Variants in CDH13 observed in about 807,000 individuals in gnomAD.
CDH13 encodes cadherin-13.
CDH13 carries 24 observed loss-of-function variants against 63.8 expected under a neutral mutation model. The ratio of observed to expected loss-of-function variants is 0.38; its 90% CI spans 0.27 to 0.53. The LOEUF is 0.53. CDH13 is among the 20% of genes least tolerant of loss of function. CDH13 has a pLI of 0.85. For missense variants in CDH13, 1,049 were observed against 903.1 expected (o/e 1.16, Z -2.07); for synonymous variants, 503 against 355.3 (o/e 1.42, Z -4.67).
At chr16:82,693,181 G>C (rs1285833467) in intron 1 of CDH13, among the ~76,000 whole-genome samples, 1 of 152,156 alleles carries the variant, frequency 6.6e-6, no homozygotes, top group Non-Finnish European at 1.5e-5. Flanking sequence ...CCCCAGACCT[G>C]GATGATCCTT....
chr16:83,082,389 C>A (rs1275769324), intron 3 of CDH13, among the ~76,000 whole-genome samples: 1 of 152,054 alleles, frequency 6.6e-6, no homozygotes, highest in Non-Finnish European at 1.5e-5. Flanking sequence ...TTTTGGAAGG[C>A]TGAGGCAGGT....
chr16:82,899,146 G>A (rs1008195328), intron 2 of CDH13, among the ~76,000 whole-genome samples: 1 of 152,218 alleles, frequency 6.6e-6, no homozygotes, highest in African/African-American at 2.4e-5. Context: ...TTTACTGCAA[G>A]CTCAGTCCAC....
At chr16:83,082,088 C>T (rs2033293542) in intron 3 of CDH13, among the ~76,000 whole-genome samples, 2 of 152,234 alleles carry the variant, frequency 1.3e-5, no homozygotes, top group African/African-American at 4.8e-5. Context: ...GCCTGAGCCA[C>T]TGTGCCCGGC....
intron 3 of CDH13, among the ~76,000 whole-genome samples, chr16:83,121,018 TC>T (rs1469203738): frequency 6.6e-6 from 1 of 152,198 alleles, no homozygotes; most frequent in Non-Finnish European, 1.5e-5. Context: ...CGCCTCGGCC[TC>T]CCAAAGTGCT....
chr16:82,794,766 T>C (rs1183195668), intron 1 of CDH13, among the ~76,000 whole-genome samples: 1 of 152,196 alleles, frequency 6.6e-6, no homozygotes, highest in African/African-American at 2.4e-5. Flanking sequence ...TTATAATGTT[T>C]TATCTCAGAA....
intron 1 of CDH13, among the ~76,000 whole-genome samples, chr16:82,686,786 T>C (rs540113843): frequency 1.3e-5 from 2 of 152,334 alleles, no homozygotes; most frequent in Admixed American, 1.3e-4. Flanking sequence ...AGAGTTGATG[T>C]TGAGTAATCA....
At chr16:83,511,081 C>T (rs530966406) in intron 7 of CDH13, among the ~76,000 whole-genome samples, 84 of 129,520 alleles carry the variant, frequency 6.5e-4, no homozygotes, top group African/African-American at 2.6e-3. Flanking sequence ...CACATGCACG[C>T]ATGCACACAC....
chr16:83,477,179 C>T (rs1183094855), intron 6 of CDH13, among the ~76,000 whole-genome samples: 1 of 152,196 alleles, frequency 6.6e-6, no homozygotes, highest in South Asian at 2.1e-4. Flanking sequence ...ACAAGGTGGT[C>T]CTGTTGCCAT....
At chr16:82,911,314 G>A (rs540843811) in intron 2 of CDH13, among the ~76,000 whole-genome samples, 1 of 152,208 alleles carries the variant, frequency 6.6e-6, no homozygotes, top group African/African-American at 2.4e-5. Flanking sequence ...TAGTTTATCA[G>A]TTCAGCTGAG....
intron 2 of CDH13, among the ~76,000 whole-genome samples, chr16:82,862,597 T>G (rs2039987017): frequency 6.6e-6 from 1 of 152,188 alleles, no homozygotes; most frequent in South Asian, 2.1e-4. Flanking sequence ...TATGGGTCAT[T>G]CCTCTTAGGC....
chr16:83,316,480 C>T (rs768975908), intron 5 of CDH13, among the ~76,000 whole-genome samples: 1 of 152,238 alleles, frequency 6.6e-6, no homozygotes, highest in Admixed American at 6.5e-5. Flanking sequence ...TGGAGATCAG[C>T]ATGGTGGGGG....
intron 1 of CDH13, chr16:82,719,213 C>T: frequency 6.2e-6 from 2 of 324,370 alleles, no homozygotes; most frequent in South Asian, 5.1e-5. Flanking sequence ...GTCCCATTCT[C>T]AGGAGTTTCC....
chr16:83,491,448 T>A (rs559332156), intron 7 of CDH13, among the ~76,000 whole-genome samples: 2 of 152,364 alleles, frequency 1.3e-5, no homozygotes, highest in East Asian at 3.9e-4. Flanking sequence ...CTCTAACGTT[T>A]GATAAATGTT....
chr16:83,206,670 G>A (rs1022063311), intron 4 of CDH13, among the ~76,000 whole-genome samples: 3 of 152,256 alleles, frequency 2.0e-5, no homozygotes, highest in Admixed American at 6.5e-5. Flanking sequence ...GGACCACAGA[G>A]TCTAATCAGA....
chr16:83,451,519 T>A (rs1028403475), intron 6 of CDH13, among the ~76,000 whole-genome samples: 10 of 152,206 alleles, frequency 6.6e-5, no homozygotes, highest in African/African-American at 2.4e-4. Flanking sequence ...TTTTCTTTTG[T>A]TTTTGTTTTT....
At chr16:82,661,497 C>T (rs1007633884) in intron 1 of CDH13, among the ~76,000 whole-genome samples, 1 of 152,204 alleles carries the variant, frequency 6.6e-6, no homozygotes, top group Admixed American at 6.5e-5. Context: ...AGCCAGCAGA[C>T]CTTCTTCCCA....
chr16:83,493,328 G>T (rs769015733), intron 7 of CDH13, among the ~76,000 whole-genome samples: 1 of 152,196 alleles, frequency 6.6e-6, no homozygotes, highest in Non-Finnish European at 1.5e-5. Context: ...TAAATTGAAT[G>T]AAAGACAGAG....
At chr16:83,208,690 C>T (rs112554789) in intron 4 of CDH13, among the ~76,000 whole-genome samples, 5 of 152,114 alleles carry the variant, frequency 3.3e-5, no homozygotes, top group East Asian at 1.9e-4. Flanking sequence ...GTGATTTGTT[C>T]GCTTTGGTAG....
At chr16:83,066,912 C>G (rs1054469047) in intron 3 of CDH13, among the ~76,000 whole-genome samples, 9 of 152,106 alleles carry the variant, frequency 5.9e-5, no homozygotes, top group Admixed American at 2.0e-4. Context: ...CTAAGAAAGC[C>G]TAACTTTACC....
Sources: allele counts gnomAD v4.1 joint callset (sites outside exome capture counted in the v4.1 genomes callset), GRCh38; gene constraint gnomAD v4.1.1; transcripts MANE v1.5; gene names NCBI Gene and HGNC (gene_info 2026-07-23, HGNC 2026-07-21).